Variants in DST observed in about 807,000 individuals in gnomAD.
The protein encoded by DST is dystonin.
A neutral mutation model predicts 875.2 loss-of-function variants in DST; 253 were observed. That is an observed-to-expected ratio of 0.29 (90% CI 0.26 to 0.32). The LOEUF (loss-of-function observed/expected upper bound fraction) is 0.32, where lower values mean the gene tolerates loss of function less well. DST is among the 10% of genes least tolerant of loss of function. The pLI is 1.00. For synonymous variants in DST, 3,124 were observed against 3,197.1 expected, an observed-to-expected ratio of 0.98 and a Z score of 0.77; for missense variants, 8,287 against 9,111.6, an observed-to-expected ratio of 0.91 and a Z score of 3.68.
chr6:56,632,132 G>T, intron 28 of DST, 92 bp from the exon 29 acceptor site: 1 of 901,454 alleles, frequency 1.1e-6, no homozygotes. Flanking sequence ...ATATTACTGG[G>T]ACACAGCTAG....
chr6:56,747,302 A>T (rs2099575558), intron 4 of DST, among the ~76,000 whole-genome samples: 1 of 152,114 alleles, frequency 6.6e-6, no homozygotes, highest in South Asian at 2.1e-4. Flanking sequence ...CTCCTCCTCT[A>T]CCACTATCTG....
intron 4 of DST, among the ~76,000 whole-genome samples, chr6:56,839,984 G>A (rs1382200546): frequency 6.6e-6 from 1 of 151,996 alleles, no homozygotes; most frequent in Non-Finnish European, 1.5e-5. Context: ...CTTTCATTAC[G>A]GTTGTCTAGG....
rs184443554 is a variant in DST, at chr6:56,845,704, C to T, written c.625+5693G>A. On this transcript the variant is annotated intron_variant, in intron 4 of 103. Transcript: ENST00000680361. Reference sequence around the variant, plus strand: ...ATAGACATAGGTCTCTCAAAAATGTCTCCTTTACAATGAGTAAGGTCATTG... The same window carrying T: ...ATAGACATAGGTCTCTCAAAAATGTTTCCTTTACAATGAGTAAGGTCATTG... Among the ~76,000 whole-genome samples, 48 of 152,306 alleles carry T rather than the reference C, an allele frequency of 3.2e-4. No homozygotes were observed. In the East Asian group the frequency reaches 8.5e-3, roughly 27 times the overall value.
chr6:56,663,149 TAGA>T (rs1563538706), intron 10 of DST, among the ~76,000 whole-genome samples: 1 of 152,184 alleles, frequency 6.6e-6, no homozygotes, highest in East Asian at 1.9e-4. Flanking sequence ...TAAAACCATA[TAGA>T]TACAATAAAA....
rs117090332 is a variant in DST at position 56,520,988 on chromosome 6, C to T, written c.18130-3368G>A. Among the ~76,000 whole-genome samples, 1,090 of 152,040 alleles carry T rather than the reference C, an allele frequency of 7.2e-3. 58 individuals carry two copies. In the East Asian group the frequency reaches 0.14, roughly 19 times the overall value. On this transcript the variant is annotated intron_variant, in intron 69 of 103. Transcript: ENST00000680361. ...TGTAATTATAAGGAAACCAAGAAAC[C>T]ACTTAAAATAATCTATCTTAAGCTG...
At chr6:56,725,204 G>A (rs1198349006) in intron 5 of DST, among the ~76,000 whole-genome samples, 1 of 151,992 alleles carries the variant, frequency 6.6e-6, no homozygotes, top group Non-Finnish European at 1.5e-5. Flanking sequence ...ACCTACCCTG[G>A]GTCACAAAGT....
At chr6:56,935,094 G>A (rs985511338) in intron 2 of DST, among the ~76,000 whole-genome samples, 2 of 151,994 alleles carry the variant, frequency 1.3e-5, no homozygotes, top group African/African-American at 4.8e-5. Flanking sequence ...GTTTCTCGGC[G>A]AACAGCTCAA....
At chr6:56,763,917 T>C (rs1166367264) in intron 4 of DST, among the ~76,000 whole-genome samples, 1 of 152,100 alleles carries the variant, frequency 6.6e-6, no homozygotes, top group Non-Finnish European at 1.5e-5. Context: ...GTTCTCCAGT[T>C]TGGAGAGCTC....
intron 4 of DST, among the ~76,000 whole-genome samples, chr6:56,746,146 G>C (rs1487396575): frequency 2.6e-5 from 4 of 151,824 alleles, no homozygotes; most frequent in Non-Finnish European, 4.4e-5. Flanking sequence ...ACCACCCCCA[G>C]CTAATTTTTA....
chr6:56,931,976 T>G (rs1054495171), intron 2 of DST, among the ~76,000 whole-genome samples: 2 of 152,048 alleles, frequency 1.3e-5, no homozygotes, highest in African/African-American at 4.8e-5. Context: ...GAAGGCATGA[T>G]TGGTTTTGAA....
In DST at chr6:56,552,440, G is replaced by A. The variant is rs2097340517; in HGVS notation, c.16352C>T (p.Ala5451Val). 1.9e-6 allele frequency: 3 copies of A among 1,613,840 alleles called. No homozygotes were observed. Among genetic ancestry groups the A allele is most frequent in the Non-Finnish European group, 2.5e-6 (3 of 1,179,888 alleles). Residue 5451 changes from alanine (A) to valine (V), a missense_variant, in exon 61 of 104, where the codon GCC becomes GTC. Ala to Val is a moderately conservative substitution (Grantham distance 64, BLOSUM62 0). This residue lies in a region of DST where 777 missense variants were observed against 764.8 expected (regional missense o/e 1.02). Transcript: ENST00000680361. ...NANKTCKMML[A>V]TEETSPDLVG... is the part of the protein sequence containing the mutation. ...AAGGTCAGGAGAGGTTTCTTCTGTG[G>A]CTAACATCATCTTGCAGGTTTTATT...
At chr6:56,508,495 A>G (rs1294971193) in intron 75 of DST, 34 bp downstream of exon 75, 1 of 1,542,622 alleles carries the variant, frequency 6.5e-7, no homozygotes, top group East Asian at 2.3e-5. Context: ...GCCACAACTT[A>G]TTTTTCTAAC....
intron 73 of DST, among the ~76,000 whole-genome samples, chr6:56,510,612 T>C (rs555754187): frequency 5.9e-5 from 9 of 152,198 alleles, no homozygotes; most frequent in Non-Finnish European, 1.2e-4. Context: ...ATGAACTTTG[T>C]TCTATACTAT....
chr6:56,717,822 CCT>C (rs2099400485), intron 5 of DST, among the ~76,000 whole-genome samples: 1 of 152,136 alleles, frequency 6.6e-6, no homozygotes, highest in African/African-American at 2.4e-5. Flanking sequence ...CCCAAGCTAT[CCT>C]TGAAAACCCC....
At chr6:56,672,370 A>T (rs888986081) in intron 9 of DST, among the ~76,000 whole-genome samples, 1 of 152,208 alleles carries the variant, frequency 6.6e-6, no homozygotes, top group Admixed American at 6.5e-5. Context: ...TCAGGATTTA[A>T]AAGCGGAACA....
chr6:56,876,658 G>C (rs1779768757), intron 3 of DST, among the ~76,000 whole-genome samples: 1 of 152,128 alleles, frequency 6.6e-6, no homozygotes, highest in Non-Finnish European at 1.5e-5. Flanking sequence ...ATTCTAAATG[G>C]CTGAAATGTG....
At chr6:56,797,013 A>C (rs1353633372) in intron 4 of DST, among the ~76,000 whole-genome samples, 1 of 152,190 alleles carries the variant, frequency 6.6e-6, no homozygotes, top group Non-Finnish European at 1.5e-5. Flanking sequence ...ATACTGTGGC[A>C]ACCCTGTGTC....
chr6:56,905,189 G>A (rs1000837048), intron 2 of DST, among the ~76,000 whole-genome samples: 8 of 152,028 alleles, frequency 5.3e-5, no homozygotes, highest in African/African-American at 1.9e-4. Context: ...AGCCCCTTTT[G>A]GATAATCATT....
rs9475725 is a variant in DST, at chr6:56,608,935, T to G, written c.5693A>C (p.Gln1898Pro). 8.4e-4 allele frequency: 1,361 copies of G among 1,613,816 alleles called. 10 individuals carry two copies. The African/African-American group carries it at 0.017, about 20-fold the overall frequency. Residue 1898 changes from glutamine to proline, a missense_variant, in exon 40 of 104, where the codon CAA becomes CCA. By Grantham distance (76) the Gln-to-Pro change is moderately conservative (BLOSUM62 -1). Transcript: ENST00000680361. ...GEQLTLQKAF[Q>P]QNLVSSALFS... ...TAATGCTGAGGAAACCAAGTTCTGT[T>G]GGAAAGCCTTCTGTAGGGTCAACTG...
Sources: allele counts gnomAD v4.1 joint callset (sites outside exome capture counted in the v4.1 genomes callset), GRCh38; gene constraint gnomAD v4.1.1; regional missense constraint gnomAD v4.1.1; transcripts MANE v1.5; gene names NCBI Gene and HGNC (gene_info 2026-07-23, HGNC 2026-07-21).